IMMP2L: variants seen among roughly 807,000 people sequenced by gnomAD.
IMMP2L encodes inner mitochondrial membrane peptidase subunit 2.
Under a neutral mutation model 19.3 loss-of-function variants are expected in IMMP2L, and 18 were observed. The ratio of observed to expected loss-of-function variants is 0.93; its 90% CI spans 0.64 to 1.38. The LOEUF (loss-of-function observed/expected upper bound fraction) is 1.38. Among genes scored for constraint, IMMP2L ranks in the 40% most tolerant of loss-of-function variants. The pLI is 0.00. For synonymous variants in IMMP2L, 76 were observed against 73.0 expected (o/e 1.04, Z -0.21); for missense variants, 233 against 218.2 (o/e 1.07, Z -0.43).
intron 3 of IMMP2L, among the ~76,000 whole-genome samples, chr7:111,311,703 G>A (rs571653636): frequency 2.3e-4 from 35 of 152,244 alleles, no homozygotes; most frequent in African/African-American, 8.2e-4. Flanking sequence ...GTGAGGAAAT[G>A]AGTTTTCTGC....
At chr7:110,968,963 G>T (rs138885296) in intron 3 of IMMP2L, among the ~76,000 whole-genome samples, 95 of 152,042 alleles carry the variant, frequency 6.2e-4, no homozygotes, top group African/African-American at 2.1e-3. Context: ...GACTTACATG[G>T]ATAGACTATA....
chr7:111,392,082 T>C, intron 3 of IMMP2L: 1 of 672,668 alleles, frequency 1.5e-6, no homozygotes, highest in South Asian at 1.6e-5. Flanking sequence ...TACAGCAATG[T>C]GCAAACTATA....
intron 5 of IMMP2L, among the ~76,000 whole-genome samples, chr7:110,856,641 T>C (rs17158040): frequency 0.035 from 5,390 of 152,064 alleles, 304 homozygotes; most frequent in African/African-American, 0.12. Context: ...GTAAGGGAAA[T>C]TGATTTGGAA....
chr7:111,012,282 T>G (rs1353686228), intron 3 of IMMP2L, among the ~76,000 whole-genome samples: 1 of 152,180 alleles, frequency 6.6e-6, no homozygotes, highest in Non-Finnish European at 1.5e-5. Context: ...CATTTTGAAT[T>G]TATATTGTTA....
chr7:110,840,716 G>T (rs1804987264), intron 5 of IMMP2L, among the ~76,000 whole-genome samples: 1 of 152,014 alleles, frequency 6.6e-6, no homozygotes. Context: ...TAACATATTT[G>T]AAAGGGCAAT....
chr7:111,203,109 G>C (rs1437839171), intron 3 of IMMP2L, among the ~76,000 whole-genome samples: 1 of 152,128 alleles, frequency 6.6e-6, no homozygotes, highest in East Asian at 1.9e-4. Context: ...AAAAGAAGAA[G>C]GGTGATATTC....
chr7:111,504,147 A>C (rs1844624966), intron 2 of IMMP2L, among the ~76,000 whole-genome samples: 1 of 152,176 alleles, frequency 6.6e-6, no homozygotes, highest in South Asian at 2.1e-4. Context: ...ATCAATGCAC[A>C]AAAATCACAA....
At chr7:111,249,546 C>A (rs112308498) in intron 3 of IMMP2L, among the ~76,000 whole-genome samples, 49 of 152,242 alleles carry the variant, frequency 3.2e-4, no homozygotes, top group African/African-American at 1.2e-3. Flanking sequence ...GCTCCTCCCC[C>A]TCTTGTTGCT....
chr7:111,301,241 C>T (rs1188766650), intron 3 of IMMP2L, among the ~76,000 whole-genome samples: 1 of 152,010 alleles, frequency 6.6e-6, no homozygotes, highest in Non-Finnish European at 1.5e-5. Context: ...ATCTGTATAT[C>T]TTCTTTGGTA....
intron 5 of IMMP2L, among the ~76,000 whole-genome samples, chr7:110,731,569 C>T (rs936324868): frequency 2.0e-5 from 3 of 152,232 alleles, no homozygotes; most frequent in Middle Eastern, 3.4e-3. Context: ...ACACTATACA[C>T]GCAATGGTCC....
chr7:110,886,039 C>T (rs1285705556), intron 5 of IMMP2L, among the ~76,000 whole-genome samples: 4 of 151,910 alleles, frequency 2.6e-5, no homozygotes, highest in Admixed American at 6.6e-5. Context: ...TTTATGAGGG[C>T]TCCTGCGCCA....
intron 5 of IMMP2L, among the ~76,000 whole-genome samples, chr7:110,810,971 G>A (rs528565087): frequency 2.8e-4 from 42 of 152,084 alleles, no homozygotes; most frequent in African/African-American, 7.0e-4. Context: ...GGTCAGCAAC[G>A]TAGAACCCTG....
chr7:111,097,836 T>G (rs1363702767), intron 3 of IMMP2L, among the ~76,000 whole-genome samples: 2 of 151,884 alleles, frequency 1.3e-5, no homozygotes, highest in Admixed American at 1.3e-4. Flanking sequence ...TTACTGAAAT[T>G]TCAATAGTTG....
At chr7:110,866,753 A>G (rs78008024) in intron 5 of IMMP2L, among the ~76,000 whole-genome samples, 8,709 of 152,166 alleles carry the variant, frequency 0.057, 333 homozygotes, top group South Asian at 0.09. Context: ...GTAAATCCCA[A>G]ATCTTGGGTG....
chr7:111,504,441 T>C (rs1329174505), intron 2 of IMMP2L, among the ~76,000 whole-genome samples: 2 of 151,654 alleles, frequency 1.3e-5, no homozygotes, highest in East Asian at 1.9e-4. Flanking sequence ...AAGCTACCAA[T>C]GACTTTCTTC....
chr7:111,288,925 C>A (rs1820787690), intron 3 of IMMP2L, among the ~76,000 whole-genome samples: 1 of 152,092 alleles, frequency 6.6e-6, no homozygotes, highest in African/African-American at 2.4e-5. Flanking sequence ...TAGGCATATA[C>A]CCAAAAGATT....
At chr7:111,091,058 A>C (rs928669813) in intron 3 of IMMP2L, 5 of 152,212 alleles carry the variant, frequency 3.3e-5, no homozygotes, top group African/African-American at 1.2e-4. Flanking sequence ...GGCTGTCTGA[A>C]GCGATTGGCT....
In IMMP2L at chr7:110,836,876, C is replaced by T. The variant is rs557851706; in HGVS notation, c.408+49717G>A. 1.1e-4 allele frequency among the ~76,000 whole-genome samples: 17 copies of T among 152,202 alleles called. 1 individual carries two copies. The East Asian group carries it at 2.1e-3, about 19-fold the overall frequency. On this transcript the variant is annotated intron_variant, in intron 5 of 5. Transcript: ENST00000405709. ...TGATAAATCCAGAACTAATAAGGATCCCCAGGGTGCAGAGAAATTCTGCTT... is the reference window on the plus strand; with the variant it reads ...TGATAAATCCAGAACTAATAAGGATTCCCAGGGTGCAGAGAAATTCTGCTT...
intron 3 of IMMP2L, among the ~76,000 whole-genome samples, chr7:111,340,639 A>G (rs1449535007): frequency 6.6e-6 from 1 of 152,140 alleles, no homozygotes; most frequent in Non-Finnish European, 1.5e-5. Flanking sequence ...ACAAATGTAC[A>G]GGAAAGTTCA....
Sources: allele counts gnomAD v4.1 joint callset (sites outside exome capture counted in the v4.1 genomes callset), GRCh38; gene constraint gnomAD v4.1.1; transcripts MANE v1.5; gene names NCBI Gene and HGNC (gene_info 2026-07-23, HGNC 2026-07-21).